Variants in AKT3 observed in about 807,000 individuals in gnomAD.
AKT3 encodes the protein AKT serine/threonine kinase 3.
Under a neutral mutation model 65.3 loss-of-function variants are expected in AKT3, and 15 were observed. The ratio of observed to expected loss-of-function variants is 0.23; its 90% CI spans 0.15 to 0.35. The LOEUF (loss-of-function observed/expected upper bound fraction) is 0.35. Among genes scored for constraint, AKT3 ranks in the 10% least tolerant of loss-of-function variants. The pLI is 1.00. For missense variants in AKT3, 243 were observed against 576.5 expected (o/e 0.42, Z 5.92); for synonymous variants, 206 against 183.8 (o/e 1.12, Z -0.98).
intron 4 of AKT3, among the ~76,000 whole-genome samples, chr1:243,646,769 A>G (rs1194700825): frequency 6.6e-6 from 1 of 152,176 alleles, no homozygotes; most frequent in East Asian, 1.9e-4. Flanking sequence ...GGTCCAACAG[A>G]CATTCCAAGG....
chr1:243,754,694 T>G (rs1385721299), intron 2 of AKT3, among the ~76,000 whole-genome samples: 4 of 152,196 alleles, frequency 2.6e-5, no homozygotes, highest in African/African-American at 9.7e-5. Context: ...TGCATGGTCC[T>G]TTGAGAATCT....
chr1:243,828,011 C>T lies in AKT3; in HGVS notation c.46+15114G>A, dbSNP rs541097557. Among the ~76,000 whole-genome samples the T allele has an allele frequency of 5.3e-5, 8 of 152,004 alleles. No individual in the cohort carries two copies. In the South Asian group the frequency reaches 6.2e-4, roughly 12 times the overall value. Reference sequence around the variant, plus strand: ...GCAAGTAGCTTATCACTTTGAGTTCCGGTCAGCATCAGTGATTTTTGATCA... The same window carrying T: ...GCAAGTAGCTTATCACTTTGAGTTCTGGTCAGCATCAGTGATTTTTGATCA... On this transcript the variant is annotated intron_variant, in intron 2 of 13. Transcript: ENST00000673466.
Position 243,499,990 on chromosome 1 carries a change from C to T in AKT3, c.*5259G>A. 1 of 606,946 alleles carries T rather than the reference C, an allele frequency of 1.6e-6. No homozygotes were observed. Among genetic ancestry groups the T allele is most frequent in the Admixed American group, 2.8e-5 (1 of 35,956 alleles). 37.6% of individuals were successfully genotyped at this position (606,946 alleles called of 1,614,324 possible). A position where few individuals can be genotyped will look rare whatever the true frequency, so the allele number is the denominator to read the frequency against. ...GTCTGACTCTAGCTGAGCAGAGCTCCTGGTGTATGTTTTCAGAAATGGCTT... is the reference window on the plus strand; with the variant it reads ...GTCTGACTCTAGCTGAGCAGAGCTCTTGGTGTATGTTTTCAGAAATGGCTT... On this transcript the variant is annotated 3_prime_UTR_variant, in exon 14 of 14. Coordinates refer to ENST00000673466, the MANE Select transcript of AKT3 (RefSeq NM_005465.7).
intron 2 of AKT3, among the ~76,000 whole-genome samples, chr1:243,731,327 G>C (rs1038596297): frequency 6.6e-6 from 1 of 152,060 alleles, no homozygotes; most frequent in Non-Finnish European, 1.5e-5. Context: ...AGGCAATAGA[G>C]AACAAAGAGT....
intron 9 of AKT3, among the ~76,000 whole-genome samples, chr1:243,566,245 G>A (rs1041370130): frequency 2.6e-5 from 4 of 152,096 alleles, no homozygotes; most frequent in Admixed American, 6.6e-5. Flanking sequence ...CTGTAACCTC[G>A]TATCTCATCT....
intron 4 of AKT3, among the ~76,000 whole-genome samples, chr1:243,653,497 G>A (rs1358575041): frequency 6.6e-6 from 1 of 152,172 alleles, no homozygotes; most frequent in Non-Finnish European, 1.5e-5. Context: ...CTCATTTTAT[G>A]AGGACTGCAT....
intron 1 of AKT3, among the ~76,000 whole-genome samples, chr1:243,844,455 A>G (rs1442418462): frequency 6.6e-6 from 1 of 152,164 alleles, no homozygotes; most frequent in Non-Finnish European, 1.5e-5. Context: ...ACAAAACACA[A>G]CAGGCTTTCC....
Position 243,695,613 on chromosome 1 carries a change from G to A in AKT3, c.150C>T (p.Pro50=). 1 of 1,599,474 alleles carries A rather than the reference G, an allele frequency of 6.3e-7. No homozygotes were observed. Among genetic ancestry groups the A allele is most frequent in the Admixed American group, 1.7e-5 (1 of 58,968 alleles). The change falls in exon 3 of 14, where the codon CCC becomes CCT. Residue 50 remains proline, a synonymous_variant. Transcript: ENST00000673466. ...EKPQDVDLPY[P]LNNFSVAKCQ... ...TACTTGCCACTGAAAAGTTGTTGAGGGGATAAGGTAAATCCACATCTTGAG... is the reference window on the plus strand; with the variant it reads ...TACTTGCCACTGAAAAGTTGTTGAGAGGATAAGGTAAATCCACATCTTGAG...
intron 8 of AKT3, among the ~76,000 whole-genome samples, chr1:243,608,006 T>C (rs1053038746): frequency 6.6e-6 from 1 of 152,188 alleles, no homozygotes; most frequent in Admixed American, 6.5e-5. Flanking sequence ...CCTGCGGAAC[T>C]GTGAGTCAAT....
intron 6 of AKT3, among the ~76,000 whole-genome samples, chr1:243,626,267 TA>T (rs911925092): frequency 6.6e-6 from 1 of 152,100 alleles, no homozygotes; most frequent in African/African-American, 2.4e-5. Flanking sequence ...ACAAAACAGA[TA>T]GTCAACGAAG....
chr1:243,802,004 G>C (rs1692407404), intron 2 of AKT3, among the ~76,000 whole-genome samples: 1 of 152,118 alleles, frequency 6.6e-6, no homozygotes, highest in Non-Finnish European at 1.5e-5. Flanking sequence ...ACAATAGTGG[G>C]GGCTAATATA....
chr1:243,537,861 T>C (rs997703339), intron 12 of AKT3, among the ~76,000 whole-genome samples: 9 of 152,204 alleles, frequency 5.9e-5, no homozygotes, highest in South Asian at 2.1e-4. Context: ...TACTTTTTTT[T>C]CTCACATTGT....
intron 2 of AKT3, among the ~76,000 whole-genome samples, chr1:243,777,572 C>G (rs1690634637): frequency 6.6e-6 from 1 of 152,132 alleles, no homozygotes; most frequent in African/African-American, 2.4e-5. Context: ...TTTCTTATGA[C>G]AACTTGAGAT....
chr1:243,782,783 C>T (rs1025153693), intron 2 of AKT3, among the ~76,000 whole-genome samples: 5 of 152,110 alleles, frequency 3.3e-5, no homozygotes, highest in South Asian at 2.1e-4. Flanking sequence ...TGGGCACTCA[C>T]GCATGCACAC....
intron 2 of AKT3, among the ~76,000 whole-genome samples, chr1:243,769,165 G>C (rs1331969003): frequency 6.6e-6 from 1 of 151,846 alleles, no homozygotes; most frequent in African/African-American, 2.4e-5. Context: ...TTTCTTTTCT[G>C]TCTGAATAAT....
At chr1:243,762,971 A>G (rs1289617549) in intron 2 of AKT3, among the ~76,000 whole-genome samples, 3 of 152,068 alleles carry the variant, frequency 2.0e-5, no homozygotes, top group Non-Finnish European at 4.4e-5. Context: ...TCAAATATCA[A>G]ATTTTTCTAC....
intron 2 of AKT3, among the ~76,000 whole-genome samples, chr1:243,779,268 G>C (rs572540163): frequency 6.6e-6 from 1 of 152,172 alleles, no homozygotes; most frequent in South Asian, 2.1e-4. Flanking sequence ...CCAGAAACGA[G>C]AAGATACATT....
At chr1:243,735,460 TATC>T (rs1172195341) in intron 2 of AKT3, 5 of 152,242 alleles carry the variant, frequency 3.3e-5, no homozygotes, top group Non-Finnish European at 7.4e-5. Flanking sequence ...TTTCTAAAAA[TATC>T]ATCTAAGTAT....
At chr1:243,548,558 ACT>A (rs1672830108) in intron 11 of AKT3, among the ~76,000 whole-genome samples, 1 of 152,176 alleles carries the variant, frequency 6.6e-6, no homozygotes, top group South Asian at 2.1e-4. Context: ...AGTGTCAATG[ACT>A]CTCTAATATA....
Sources: allele counts gnomAD v4.1 joint callset (sites outside exome capture counted in the v4.1 genomes callset), GRCh38; gene constraint gnomAD v4.1.1; transcripts MANE v1.5; gene names NCBI Gene and HGNC (gene_info 2026-07-23, HGNC 2026-07-21).